Variants in PLAAT1 observed in about 807,000 individuals in gnomAD.
PLAAT1 encodes the protein H-REV107 protein-related protein.
A neutral mutation model predicts 16.4 loss-of-function variants in PLAAT1; 13 were observed. The ratio of observed to expected loss-of-function variants is 0.79; its 90% CI spans 0.52 to 1.26. The LOEUF is 1.26. Ranked by LOEUF, PLAAT1 falls within the 50% of genes most tolerant of loss-of-function variation. The pLI is 0.00. For missense variants in PLAAT1, 218 were observed against 207.8 expected, an observed-to-expected ratio of 1.05 and a Z score of -0.30; for synonymous variants, 73 against 78.4, an observed-to-expected ratio of 0.93 and a Z score of 0.36.
chr3:193,281,198 G>C (rs1465956319), downstream of PLAAT1: 24 of 985,238 alleles, frequency 2.4e-5, no homozygotes, highest in Non-Finnish European at 2.8e-5. Context: ...CATGGATTTG[G>C]AGTCCCAGGA....
chr3:193,278,206 A>T (rs1186854856), downstream of PLAAT1, among the ~76,000 whole-genome samples: 2 of 151,908 alleles, frequency 1.3e-5, no homozygotes, highest in Non-Finnish European at 2.9e-5. Context: ...TACCAAACTC[A>T]CTCTGGAGCT....
intron 2 of PLAAT1, among the ~76,000 whole-genome samples, chr3:193,259,980 A>T (rs1468524997): frequency 1.3e-5 from 2 of 152,180 alleles, no homozygotes; most frequent in Non-Finnish European, 1.5e-5. Context: ...AGTAACCAAA[A>T]CATCATAGTA....
intron 3 of PLAAT1, among the ~76,000 whole-genome samples, chr3:193,268,874 T>G (rs1009126091): frequency 7.2e-5 from 11 of 152,200 alleles, no homozygotes; most frequent in Non-Finnish European, 1.6e-4. Flanking sequence ...GGTCTGCATC[T>G]AGCTGGGGCC....
At chr3:193,252,161 A>C (rs1310973229) in intron 1 of PLAAT1, among the ~76,000 whole-genome samples, 3 of 152,134 alleles carry the variant, frequency 2.0e-5, no homozygotes, top group Admixed American at 1.3e-4. Flanking sequence ...ATGGGGGACC[A>C]GGTGTACTCG....
intron 2 of PLAAT1, 107 bp downstream of exon 2, chr3:193,255,896 G>A (rs1716356972): frequency 9.4e-7 from 1 of 1,065,176 alleles, no homozygotes; most frequent in African/African-American, 1.6e-5. Flanking sequence ...ATAAAATATA[G>A]AAAGCAGATA....
intron 2 of PLAAT1, among the ~76,000 whole-genome samples, chr3:193,276,519 A>G (rs961081621): frequency 6.6e-6 from 1 of 152,228 alleles, no homozygotes; most frequent in South Asian, 2.1e-4. Flanking sequence ...GAGTTCATAC[A>G]TGTTTTGCTT....
At chr3:193,275,636 A>G (rs1004843577), downstream of PLAAT1, among the ~76,000 whole-genome samples, 1 of 152,360 alleles carries the variant, frequency 6.6e-6, no homozygotes. Flanking sequence ...AAAAATCACC[A>G]TTAGCCTTGC....
At chr3:193,242,114 T>C (rs992741761) in intron 1 of PLAAT1, among the ~76,000 whole-genome samples, 22 of 151,444 alleles carry the variant, frequency 1.5e-4, no homozygotes, top group Non-Finnish European at 2.9e-4. Context: ...AGAGGTTTTT[T>C]TTTTGCGCTT....
downstream of PLAAT1, chr3:193,275,453 A>G: frequency 1.1e-6 from 1 of 906,126 alleles, no homozygotes; most frequent in South Asian, 1.7e-5. Context: ...AAGTTCTGGA[A>G]TTCTGCCCTT....
rs1180834154 is a variant in PLAAT1, at chr3:193,241,542, G to C, written c.-1+9G>C. ...CCCGGCTTGAGAGTGAGGTGTGCTGGGCGGAGTGGGGGAGGACCTCGAGGC... is the reference window on the plus strand; with the variant it reads ...CCCGGCTTGAGAGTGAGGTGTGCTGCGCGGAGTGGGGGAGGACCTCGAGGC... On this transcript the variant is annotated intron_variant, in intron 1 of 3. Coordinates refer to ENST00000264735, the MANE Select transcript of PLAAT1 (RefSeq NM_020386.5). The C allele has an allele frequency of 8.1e-7, 1 of 1,231,926 alleles. No individual in the cohort carries two copies. The highest frequency in any genetic ancestry group is 1.6e-5 in the African/African-American group (1 of 64,434). 76.3% of individuals were successfully genotyped at this position (1,231,926 alleles called of 1,614,324 possible).
chr3:193,263,598 A>C (rs1487732710), intron 3 of PLAAT1, among the ~76,000 whole-genome samples: 1 of 152,136 alleles, frequency 6.6e-6, no homozygotes, highest in East Asian at 1.9e-4. Context: ...TTTGAATGGG[A>C]GTTTATTTAC....
chr3:193,268,858 C>T (rs1299300629), intron 3 of PLAAT1, among the ~76,000 whole-genome samples: 1 of 152,170 alleles, frequency 6.6e-6, no homozygotes, highest in African/African-American at 2.4e-5. Flanking sequence ...GATACCTAGT[C>T]AGTTAGGTCT....
At chr3:193,247,542 A>G (rs1057279389) in intron 1 of PLAAT1, among the ~76,000 whole-genome samples, 4 of 152,180 alleles carry the variant, frequency 2.6e-5, no homozygotes, top group Non-Finnish European at 4.4e-5. Flanking sequence ...TCACTCTTCA[A>G]GTGTCTGCGT....
intron 2 of PLAAT1, among the ~76,000 whole-genome samples, chr3:193,261,083 T>C (rs745325811): frequency 6.6e-6 from 1 of 152,204 alleles, no homozygotes; most frequent in Non-Finnish European, 1.5e-5. Context: ...AAAAAGTGTA[T>C]GCAGACCAGG....
intron 1 of PLAAT1, among the ~76,000 whole-genome samples, chr3:193,243,898 CTG>C (rs1715874013): frequency 6.6e-6 from 1 of 152,218 alleles, no homozygotes; most frequent in African/African-American, 2.4e-5. Flanking sequence ...ATAGCAACCA[CTG>C]TGTGTTCACT....
At chr3:193,257,706 G>A (rs554099360) in intron 2 of PLAAT1, among the ~76,000 whole-genome samples, 6 of 152,230 alleles carry the variant, frequency 3.9e-5, no homozygotes, top group African/African-American at 1.4e-4. Flanking sequence ...TGCCAAAGGA[G>A]ACTAACATTT....
chr3:193,280,397 G>T (rs1467492048), downstream of PLAAT1, among the ~76,000 whole-genome samples: 1 of 152,100 alleles, frequency 6.6e-6, no homozygotes, highest in Non-Finnish European at 1.5e-5. Flanking sequence ...TCTTCAAAGA[G>T]TAATACTCCC....
At chr3:193,246,032 A>G (rs1055880705) in intron 1 of PLAAT1, among the ~76,000 whole-genome samples, 15 of 152,180 alleles carry the variant, frequency 9.9e-5, no homozygotes, top group African/African-American at 3.6e-4. Context: ...TTCCATTCCT[A>G]TATGAATGCC....
In PLAAT1 at chr3:193,263,086, T is replaced by TA. The variant is rs1369034310; in HGVS notation, c.257dup (p.Tyr86Ter). 8.1e-6 allele frequency: 13 copies of TA among 1,614,054 alleles called. No individual in the cohort carries two copies. The highest frequency in any genetic ancestry group is 1.1e-5 in the Non-Finnish European group (13 of 1,180,014). ...TGACACATACAGAATAAACAATAAA[T>TA]ACGATGAAACGTACCCCCCTCTCCC... ...GNDTYRINNK[Y>*]DETYPPLPVE... The change falls in exon 3 of 4, where the codon TAC (tyrosine) becomes TAAC (stop). Residue 86 changes from tyrosine (Y) to a stop codon, truncating the protein, a stop_gained and frameshift_variant. Coordinates refer to ENST00000264735, the MANE Select transcript of PLAAT1 (RefSeq NM_020386.5). LOFTEE classifies it high-confidence loss of function.
Sources: gnomAD v4.1 joint callset for allele counts (sites outside exome capture counted in the v4.1 genomes callset) on GRCh38, gnomAD v4.1.1 for gene constraint, MANE v1.5 for transcripts, NCBI Gene and HGNC (gene_info 2026-07-23, HGNC 2026-07-21) for gene names.